The following SMAD2 variants were observed in gnomAD, a reference collection of about 807,000 sequenced individuals.
The protein encoded by SMAD2 is SMAD family member 2.
Under a neutral mutation model 64.4 loss-of-function variants are expected in SMAD2, and 8 were observed. That is an observed-to-expected ratio of 0.12 (90% CI 0.07 to 0.22). The LOEUF is 0.22. Ranked by LOEUF, SMAD2 falls within the 10% of genes least tolerant of loss-of-function variation. The probability of loss-of-function intolerance (pLI) is 1.00; values close to 1 mark genes in which losing one functional copy is unlikely to be tolerated. For missense variants in SMAD2, 289 were observed against 561.2 expected (o/e 0.51, Z 4.90); for synonymous variants, 203 against 195.8 (o/e 1.04, Z -0.31).
At chr18:47,900,927 A>G (rs1473448528) in intron 1 of SMAD2, among the ~76,000 whole-genome samples, 1 of 152,202 alleles carries the variant, frequency 6.6e-6, no homozygotes, top group African/African-American at 2.4e-5. Context: ...TACAAACAAC[A>G]TATTCAATTA....
intron 1 of SMAD2, among the ~76,000 whole-genome samples, chr18:47,899,241 G>A (rs184074148): frequency 2.5e-4 from 38 of 152,208 alleles, no homozygotes; most frequent in African/African-American, 8.9e-4. Flanking sequence ...TGTTGTGTTA[G>A]TCAAACTAAA....
intron 7 of SMAD2, among the ~76,000 whole-genome samples, chr18:47,850,766 ATACATTATGTATAATATATAT>A (rs1245135645): frequency 7.4e-5 from 1 of 13,458 alleles, no homozygotes; most frequent in Non-Finnish European, 1.4e-4. Flanking sequence ...TATATATTAT[ATACATTATGTATAATATATAT>A]TATATATTAT....
intron 2 of SMAD2, among the ~76,000 whole-genome samples, chr18:47,894,100 T>C (rs1224430335): frequency 6.6e-6 from 1 of 152,202 alleles, no homozygotes; most frequent in African/African-American, 2.4e-5. Context: ...ACAGGTTAAA[T>C]ACCAGCAATG....
At chr18:47,903,415 A>G (rs2033769010) in intron 1 of SMAD2, among the ~76,000 whole-genome samples, 1 of 152,130 alleles carries the variant, frequency 6.6e-6, no homozygotes, top group Non-Finnish European at 1.5e-5. Context: ...TTGACAGCTG[A>G]GCTATAGAGA....
rs556258265 is a variant in SMAD2 at position 47,833,818 on chromosome 18, G to T, written c.*8009C>A. ...TGCAGTAGACGCCAGAGCATCAAAG[G>T]CCATGTATTTCCTCACAAGAAAAGA... On this transcript the variant is annotated 3_prime_UTR_variant, in exon 11 of 11. Transcript: ENST00000262160. 297 of 230,834 alleles carry T rather than the reference G, an allele frequency of 1.3e-3. No individual in the cohort carries two copies. Among genetic ancestry groups the T allele is most frequent in the Non-Finnish European group, 1.3e-3 (157 of 116,480 alleles). 14.3% of individuals were successfully genotyped at this position (230,834 alleles called of 1,614,324 possible).
intron 6 of SMAD2, among the ~76,000 whole-genome samples, chr18:47,861,112 T>C (rs2031147241): frequency 6.6e-6 from 1 of 152,070 alleles, no homozygotes; most frequent in Admixed American, 6.5e-5. Flanking sequence ...TCCCAGCACT[T>C]TGGGAGGCCG....
At chr18:47,871,540 C>T (rs554190710) in intron 2 of SMAD2, among the ~76,000 whole-genome samples, 4 of 152,324 alleles carry the variant, frequency 2.6e-5, no homozygotes, top group African/African-American at 9.6e-5. Context: ...ACTACAGGTG[C>T]TGTCACATAG....
Position 47,838,137 on chromosome 18 carries a change from C to T in SMAD2, c.*3690G>A, listed in dbSNP as rs939001227. On this transcript the variant is annotated 3_prime_UTR_variant, in exon 11 of 11. Coordinates refer to ENST00000262160, the MANE Select transcript of SMAD2 (RefSeq NM_005901.6). ...GACTGATGTTTGTTTGTTTGTTTTACCTTCAAAGTCTTAGTCTTAAATTGA... is the reference window on the plus strand; with the variant it reads ...GACTGATGTTTGTTTGTTTGTTTTATCTTCAAAGTCTTAGTCTTAAATTGA... The T allele has an allele frequency of 4.3e-5, 10 of 232,548 alleles. No individual in the cohort carries two copies. Among genetic ancestry groups the T allele is most frequent in the Non-Finnish European group, 7.7e-5 (9 of 117,526 alleles). 14.4% of individuals were successfully genotyped at this position (232,548 alleles called of 1,614,324 possible). A position where few individuals can be genotyped will look rare whatever the true frequency, so the allele number is the denominator to read the frequency against.
intron 1 of SMAD2, among the ~76,000 whole-genome samples, chr18:47,925,237 A>C (rs2034717889): frequency 6.6e-6 from 1 of 152,248 alleles, no homozygotes; most frequent in Admixed American, 6.5e-5. Context: ...AGGGCTACCT[A>C]GGATAATTAG....
chr18:47,873,190 A>C (rs917355223), intron 2 of SMAD2, among the ~76,000 whole-genome samples: 2 of 152,172 alleles, frequency 1.3e-5, no homozygotes, highest in African/African-American at 2.4e-5. Flanking sequence ...TTCTGGTATG[A>C]GTGGGAAATC....
At chr18:47,886,570 C>CATCTATCTATCTATCTATCT (rs5824712) in intron 2 of SMAD2, among the ~76,000 whole-genome samples, 6 of 146,806 alleles carry the variant, frequency 4.1e-5, no homozygotes, top group South Asian at 2.2e-4. Context: ...TATATCTATC[C>CATCTATCTATCTATCTATCT]ATCTATCTAT....
chr18:47,869,735 T>G (rs957243439), intron 3 of SMAD2, among the ~76,000 whole-genome samples: 3 of 152,164 alleles, frequency 2.0e-5, no homozygotes, highest in African/African-American at 7.2e-5. Flanking sequence ...CAGTTATACT[T>G]GAAAAACTTT....
At chr18:47,860,280 A>C (rs982483832) in intron 6 of SMAD2, among the ~76,000 whole-genome samples, 2 of 152,084 alleles carry the variant, frequency 1.3e-5, no homozygotes, top group African/African-American at 4.8e-5. Context: ...GGAAAAATCA[A>C]ACTTTGTTTT....
At chr18:47,882,165 C>A (rs1396986382) in intron 2 of SMAD2, among the ~76,000 whole-genome samples, 1 of 138,930 alleles carries the variant, frequency 7.2e-6, no homozygotes, top group Non-Finnish European at 1.5e-5. Flanking sequence ...GGATTAGAGG[C>A]ATAAGCCATC....
At position 47,856,433 on chromosome 18, in the gene SMAD2, T is replaced by C. The variant is rs116838941; in HGVS notation, c.731-5106A>G. ...ACTACATACACCAAATATCATGTTA[T>C]ATACCTTAAACATATACAATAAAAA... On this transcript the variant is annotated intron_variant, in intron 6 of 10. Coordinates refer to ENST00000262160, the MANE Select transcript of SMAD2 (RefSeq NM_005901.6). 1.0e-3 allele frequency among the ~76,000 whole-genome samples: 153 copies of C among 152,338 alleles called. 2 individuals are homozygous for C. The highest frequency in any genetic ancestry group is 3.6e-3 in the African/African-American group (150 of 41,584).
chr18:47,897,331 C>T (rs2033483056), intron 1 of SMAD2, among the ~76,000 whole-genome samples: 1 of 152,048 alleles, frequency 6.6e-6, no homozygotes, highest in African/African-American at 2.4e-5. Flanking sequence ...AAACAGAGTC[C>T]GTGGAGAAAA....
intron 1 of SMAD2, among the ~76,000 whole-genome samples, chr18:47,905,301 G>A (rs1035498579): frequency 3.9e-5 from 6 of 152,202 alleles, no homozygotes; most frequent in African/African-American, 1.4e-4. Context: ...TAAGAAAAAT[G>A]AAAAACACTG....
At chr18:47,851,035 T>C (rs578099144) in intron 7 of SMAD2, among the ~76,000 whole-genome samples, 1 of 149,770 alleles carries the variant, frequency 6.7e-6, no homozygotes, top group South Asian at 2.1e-4. Context: ...GAATATGATT[T>C]CAATAATAAA....
chr18:47,904,250 T>C (rs2033815025), intron 1 of SMAD2, among the ~76,000 whole-genome samples: 1 of 149,004 alleles, frequency 6.7e-6, no homozygotes, highest in South Asian at 2.2e-4. Context: ...GCATCTCGTA[T>C]GAAGCAAATG....
Sources: gnomAD v4.1 joint callset for allele counts (sites outside exome capture counted in the v4.1 genomes callset) on GRCh38, gnomAD v4.1.1 for gene constraint, MANE v1.5 for transcripts, NCBI Gene and HGNC (gene_info 2026-07-23, HGNC 2026-07-21) for gene names.